ZFPM2: variants seen among roughly 807,000 people sequenced by gnomAD.
ZFPM2 encodes zinc finger protein, FOG family member 2, also known as zinc finger protein ZFPM2.
A neutral mutation model predicts 98.6 loss-of-function variants in ZFPM2; 20 were observed. The ratio of observed to expected loss-of-function variants is 0.20; its 90% confidence interval spans 0.14 to 0.29. ZFPM2 has a LOEUF of 0.29. ZFPM2 is among the 10% of genes least tolerant of loss of function. The pLI is 1.00. For missense variants in ZFPM2, 1,310 were observed against 1,388.6 expected (o/e 0.94, Z 0.90); for synonymous variants, 518 against 502.7 (o/e 1.03, Z -0.41).
intron 4 of ZFPM2, among the ~76,000 whole-genome samples, chr8:105,568,250 A>G (rs1414484184): frequency 6.6e-6 from 1 of 152,098 alleles, no homozygotes; most frequent in Non-Finnish European, 1.5e-5. Context: ...CCAACTACAC[A>G]GTCACAAAGA....
chr8:105,552,895 T>TC (rs1390106584), intron 3 of ZFPM2, among the ~76,000 whole-genome samples: 5 of 148,084 alleles, frequency 3.4e-5, no homozygotes, highest in Non-Finnish European at 6.0e-5. Flanking sequence ...TAGTCCTTGA[T>TC]CCCCCCCGGG....
rs191493511 is a variant in ZFPM2 at position 105,619,705 on chromosome 8, C to G, written c.421-14541C>G. Reference sequence around the variant, plus strand: ...CGCCTCCCCCCACCCCGCGACAGGCCCCAGTGTGATGTTTCCCACCCAGTG... The same window carrying G: ...CGCCTCCCCCCACCCCGCGACAGGCGCCAGTGTGATGTTTCCCACCCAGTG... On this transcript the variant is annotated intron_variant, in intron 4 of 7. Coordinates refer to ENST00000407775, the MANE Select transcript of ZFPM2 (RefSeq NM_012082.4). Among the ~76,000 whole-genome samples, 6 of 151,032 alleles carry G rather than the reference C, an allele frequency of 4.0e-5. No homozygotes were observed. In the East Asian group the frequency reaches 7.8e-4, roughly 20 times the overall value.
At chr8:105,575,150 G>A (rs756977041) in intron 4 of ZFPM2, among the ~76,000 whole-genome samples, 1 of 152,150 alleles carries the variant, frequency 6.6e-6, no homozygotes, top group Admixed American at 6.6e-5. Flanking sequence ...GGGAGGAGAA[G>A]GGGTGAGGGA....
Position 105,802,951 on chromosome 8 carries a change from G to A in ZFPM2, c.2869G>A (p.Glu957Lys). The A allele has an allele frequency of 6.2e-7, 1 of 1,612,934 alleles. No individual in the cohort carries two copies. The highest frequency in any genetic ancestry group is 8.5e-7 in the Non-Finnish European group (1 of 1,179,536). The change falls in exon 8 of 8, where the codon GAA (glutamate) becomes AAA (lysine). Residue 957 changes from glutamate to lysine, a missense_variant. Coordinates refer to ENST00000407775, the MANE Select transcript of ZFPM2 (RefSeq NM_012082.4). ...EAAQLIATKE[E>K]NRHLFLPQCL... ...TGCTCAGCTCATTGCTACAAAAGAA[G>A]AAAACAGACATTTGTTTCTTCCACA...
chr8:105,405,578 CT>C (rs1201432637), intron 1 of ZFPM2, among the ~76,000 whole-genome samples: 1 of 151,776 alleles, frequency 6.6e-6, no homozygotes, highest in Non-Finnish European at 1.5e-5. Context: ...TGGTTTCCAG[CT>C]TCATCCATGT....
intron 1 of ZFPM2, among the ~76,000 whole-genome samples, chr8:105,348,046 G>A (rs1431230758): frequency 2.0e-5 from 3 of 152,066 alleles, no homozygotes; most frequent in Admixed American, 6.6e-5. Flanking sequence ...TGAGTGTAAT[G>A]TTTTAAATGT....
intron 3 of ZFPM2, among the ~76,000 whole-genome samples, chr8:105,546,472 G>A (rs1391185644): frequency 1.3e-5 from 2 of 151,426 alleles, no homozygotes; most frequent in Non-Finnish European, 2.9e-5. Context: ...AGGAGGCTGA[G>A]GCAGGAGAAT....
intron 4 of ZFPM2, among the ~76,000 whole-genome samples, chr8:105,579,764 A>G (rs1313385982): frequency 6.6e-6 from 1 of 152,128 alleles, no homozygotes; most frequent in Non-Finnish European, 1.5e-5. Flanking sequence ...AAAAATCAGT[A>G]TTTCCATGTT....
intron 1 of ZFPM2, among the ~76,000 whole-genome samples, chr8:105,392,217 A>G (rs1178790767): frequency 1.3e-5 from 2 of 152,178 alleles, no homozygotes; most frequent in Admixed American, 1.3e-4. Context: ...TGAAATACCA[A>G]TCAGGCTTTG....
At chr8:105,483,061 A>G (rs766792548) in intron 3 of ZFPM2, among the ~76,000 whole-genome samples, 34 of 96,858 alleles carry the variant, frequency 3.5e-4, no homozygotes, top group Non-Finnish European at 6.7e-4. Flanking sequence ...GGATCTTGCT[A>G]TGTTGCCCAG....
At chr8:105,457,984 T>G (rs1812624148) in intron 3 of ZFPM2, among the ~76,000 whole-genome samples, 1 of 152,176 alleles carries the variant, frequency 6.6e-6, no homozygotes, top group Non-Finnish European at 1.5e-5. Context: ...TGGTAAAAGA[T>G]TAGCAAAGAA....
chr8:105,484,518 A>G (rs1813190356), intron 3 of ZFPM2, among the ~76,000 whole-genome samples: 1 of 152,058 alleles, frequency 6.6e-6, no homozygotes, highest in Admixed American at 6.6e-5. Flanking sequence ...TATTTTTGGC[A>G]TCTTTTTAAC....
intron 5 of ZFPM2, among the ~76,000 whole-genome samples, chr8:105,685,274 A>T (rs1166016465): frequency 6.6e-6 from 1 of 152,114 alleles, no homozygotes; most frequent in Admixed American, 6.5e-5. Flanking sequence ...AATTAGCCAC[A>T]TGTAATTAGT....
At chr8:105,681,986 T>G (rs2130922526) in intron 5 of ZFPM2, among the ~76,000 whole-genome samples, 1 of 152,284 alleles carries the variant, frequency 6.6e-6, no homozygotes, top group Admixed American at 6.5e-5. Flanking sequence ...CAGTGTAGCT[T>G]CTCAACAAAT....
chr8:105,586,243 A>T (rs552975109), intron 4 of ZFPM2, among the ~76,000 whole-genome samples: 2 of 152,104 alleles, frequency 1.3e-5, no homozygotes, highest in South Asian at 4.1e-4. Flanking sequence ...TATACTGCAG[A>T]TTTTTTCGAT....
At chr8:105,594,555 T>C (rs1008186301) in intron 4 of ZFPM2, among the ~76,000 whole-genome samples, 5 of 152,072 alleles carry the variant, frequency 3.3e-5, no homozygotes, top group Admixed American at 3.3e-4. Context: ...AGCTTAGTGT[T>C]TTGTTGCTTC....
At chr8:105,371,706 A>G (rs1259164671) in intron 1 of ZFPM2, among the ~76,000 whole-genome samples, 3 of 152,190 alleles carry the variant, frequency 2.0e-5, no homozygotes, top group Non-Finnish European at 4.4e-5. Context: ...TGCATATGCT[A>G]TCAGAGAAAG....
intron 3 of ZFPM2, among the ~76,000 whole-genome samples, chr8:105,530,090 C>G (rs1814263880): frequency 6.6e-6 from 1 of 152,140 alleles, no homozygotes; most frequent in Admixed American, 6.6e-5. Context: ...ATTCTTAAAT[C>G]TGATTAAAAA....
At chr8:105,487,768 G>GTCATCATTATCATCA (rs1813259018) in intron 3 of ZFPM2, among the ~76,000 whole-genome samples, 2 of 151,840 alleles carry the variant, frequency 1.3e-5, no homozygotes, top group Non-Finnish European at 2.9e-5. Context: ...CATCATCATC[G>GTCATCATTATCATCA]TCATCATTAT....
Sources: gnomAD v4.1 joint callset for allele counts (sites outside exome capture counted in the v4.1 genomes callset) on GRCh38, gnomAD v4.1.1 for gene constraint, MANE v1.5 for transcripts, NCBI Gene and HGNC (gene_info 2026-07-23, HGNC 2026-07-21) for gene names.